SAP130: variants seen among roughly 807,000 people sequenced by gnomAD.
The protein encoded by SAP130 is histone deacetylase complex subunit SAP130.
SAP130 carries 16 observed loss-of-function variants against 103.2 expected under a neutral mutation model. That is an observed-to-expected ratio of 0.16 (90% CI 0.10 to 0.24). The LOEUF (loss-of-function observed/expected upper bound fraction) is 0.24. SAP130 is among the 10% of genes least tolerant of loss of function. The pLI, the probability that SAP130 is intolerant of heterozygous loss-of-function variation, is 1.00. For synonymous variants in SAP130, 477 were observed against 497.0 expected, an observed-to-expected ratio of 0.96 and a Z score of 0.53; for missense variants, 990 against 1,359.7, an observed-to-expected ratio of 0.73 and a Z score of 4.28.
Position 128,008,227 on chromosome 2 carries a change from C to CCTAA in SAP130, c.869+2038_869+2041dup, listed in dbSNP as rs1684110861. Among the ~76,000 whole-genome samples the CCTAA allele has an allele frequency of 2.0e-5, 3 of 152,200 alleles. No homozygotes were observed. The South Asian group carries it at 6.2e-4, about 31-fold the overall frequency. ...CCAATGGCAAGAATCAACTGCCCTCCCTAACCTCCCTGTAATGTGACTTGG... is the reference window on the plus strand; with the variant it reads ...CCAATGGCAAGAATCAACTGCCCTCCCTAACTAACCTCCCTGTAATGTGACTTGG... On this transcript the variant is annotated intron_variant, in intron 7 of 20. Transcript: ENST00000643581.
rs191506346 is a variant in SAP130 at position 127,973,838 on chromosome 2, C to G, written c.2063+4147G>C. ...TCTGTAATCCCAGCACTTTGTGAGGCTGAGGTGGGAATACTGCTTGAGCCC... is the reference window on the plus strand; with the variant it reads ...TCTGTAATCCCAGCACTTTGTGAGGGTGAGGTGGGAATACTGCTTGAGCCC... On this transcript the variant is annotated intron_variant, in intron 15 of 20. Transcript: ENST00000643581. Among the ~76,000 whole-genome samples the G allele has an allele frequency of 4.5e-3, 692 of 152,154 alleles. 6 individuals are homozygous for G. Among genetic ancestry groups the G allele is most frequent in the African/African-American group, 0.016 (650 of 41,516 alleles).
At position 127,957,798 on chromosome 2, in the gene SAP130, T is replaced by C. The variant is rs142572411; in HGVS notation, c.2064-2454A>G. 3.4e-4 allele frequency among the ~76,000 whole-genome samples: 51 copies of C among 152,116 alleles called. 1 individual carries two copies. In the South Asian group the frequency reaches 6.4e-3, roughly 19 times the overall value. On this transcript the variant is annotated intron_variant, in intron 15 of 20. Coordinates refer to ENST00000643581, the MANE Select transcript of SAP130 (RefSeq NM_001330301.2). ...TATTGAGAAGGCTTTAAGATAAAGT[T>C]GAAGATATCTAGAAAGAAAAAGAGA...
intron 16 of SAP130, among the ~76,000 whole-genome samples, chr2:127,952,248 C>T (rs943549573): frequency 4.6e-5 from 7 of 151,908 alleles, no homozygotes; most frequent in African/African-American, 1.2e-4. Flanking sequence ...ATCAGGAGTT[C>T]GAGACCAGCC....
At chr2:127,975,565 C>T (rs970542532) in intron 15 of SAP130, among the ~76,000 whole-genome samples, 8 of 151,392 alleles carry the variant, frequency 5.3e-5, no homozygotes, top group Non-Finnish European at 1.0e-4. Context: ...ATAGTAATAA[C>T]CAAAAAAAAT....
At position 128,013,157 on chromosome 2, in the gene SAP130, GAAA is replaced by G; in HGVS notation, c.620-6_620-4del. Reference sequence around the variant, plus strand: ...CATCACAGCAGCAGCAGCTGCACCTGAAAAAAAAAAAGTGTTTATTATATTTAT... The same window carrying G: ...CATCACAGCAGCAGCAGCTGCACCTGAAAAAAAAGTGTTTATTATATTTAT... On this transcript the variant is annotated splice_region_variant and splice_polypyrimidine_tract_variant and intron_variant, in intron 5 of 20. Transcript: ENST00000643581. 1 of 1,271,144 alleles carries G rather than the reference GAAA, an allele frequency of 7.9e-7. No individual in the cohort carries two copies. The highest frequency in any genetic ancestry group is 1.1e-6 in the Non-Finnish European group (1 of 937,120). 78.7% of individuals were successfully genotyped at this position (1,271,144 alleles called of 1,614,324 possible).
rs375901094 is a variant in SAP130, at chr2:128,000,170, A to C, written c.1018-24T>G. The C allele has an allele frequency of 1.4e-5, 23 of 1,612,600 alleles. No individual in the cohort carries two copies. In the African/African-American group the frequency reaches 2.4e-4, roughly 17 times the overall value. ...TTCTGTGAGGGAAACCCCACAACAC[A>C]GTTATAAGAACATTATCCACTGCGT... On this transcript the variant is annotated intron_variant, in intron 8 of 20. Transcript: ENST00000643581.
chr2:127,946,368 C>A (rs569059598), intron 18 of SAP130, among the ~76,000 whole-genome samples: 41 of 152,112 alleles, frequency 2.7e-4, no homozygotes, highest in African/African-American at 9.9e-4. Context: ...GCTGGGGGAG[C>A]CTTTCCAAGG....
chr2:128,007,662 T>C lies in SAP130; in HGVS notation c.869+2607A>G, dbSNP rs994633466. Among the ~76,000 whole-genome samples the C allele has an allele frequency of 7.0e-4, 107 of 152,324 alleles. 2 individuals are homozygous for C. The highest frequency in any genetic ancestry group is 2.5e-3 in the African/African-American group (105 of 41,580). ...CTTTTATTGAAGAGAGAACAAAGGA[T>C]CAGGGGAGTTGAAAACCTGCTTAAT... On this transcript the variant is annotated intron_variant, in intron 7 of 20. Transcript: ENST00000643581.
chr2:128,007,694 C>G (rs1349200287), intron 7 of SAP130, among the ~76,000 whole-genome samples: 1 of 152,168 alleles, frequency 6.6e-6, no homozygotes, highest in African/African-American at 2.4e-5. Context: ...TAATGTCACA[C>G]AAGTAGATAA....
chr2:127,955,105 G>A lies in SAP130; in HGVS notation c.2303C>T (p.Ala768Val). Residue 768 changes from alanine (A) to valine (V), a missense_variant, in exon 16 of 21, where the codon GCT becomes GTT. This residue lies in a region of SAP130 where 349 missense variants were observed against 384.1 expected (regional missense o/e 0.91). Transcript: ENST00000643581. The surrounding 1 kb of genome is among the most constrained non-coding windows in gnomAD (Gnocchi z 4.9). ...PITPPITTIA[A>V]APPPSVTVGG... ...CACAGTGACTGATGGAGGTGGTGCA[G>A]CTGCAATGGTGGTGATGGGTGGAGT... The A allele has an allele frequency of 6.2e-7, 1 of 1,614,210 alleles. No individual in the cohort carries two copies. Among genetic ancestry groups the A allele is most frequent in the Non-Finnish European group, 8.5e-7 (1 of 1,180,030 alleles).
chr2:128,021,176 T>C (rs958678004), intron 2 of SAP130, among the ~76,000 whole-genome samples: 8 of 151,918 alleles, frequency 5.3e-5, no homozygotes, highest in South Asian at 2.1e-4. Context: ...TGGCCGGGCG[T>C]GGTGGCTCAA....
intron 7 of SAP130, among the ~76,000 whole-genome samples, chr2:128,002,260 T>TAA (rs1683618527): frequency 6.6e-6 from 1 of 152,304 alleles, no homozygotes; most frequent in African/African-American, 2.4e-5. Flanking sequence ...CATAAGATTT[T>TAA]AAAACAGGTG....
At chr2:128,027,542 A>C (rs903395141) in intron 1 of SAP130, among the ~76,000 whole-genome samples, 33 of 151,376 alleles carry the variant, frequency 2.2e-4, no homozygotes, top group Non-Finnish European at 2.1e-4. Context: ...CGCCTCAGCC[A>C]GGGTCTGAAA....
chr2:127,970,955 CTCTTT>C (rs1449995785), intron 15 of SAP130, among the ~76,000 whole-genome samples: 1 of 151,700 alleles, frequency 6.6e-6, no homozygotes, highest in East Asian at 1.9e-4. Context: ...TTATCTTTCT[CTCTTT>C]TTTTTTTTTA....
At chr2:127,982,128 T>A (rs1313088696) in intron 14 of SAP130, among the ~76,000 whole-genome samples, 1 of 151,036 alleles carries the variant, frequency 6.6e-6, no homozygotes, top group African/African-American at 2.5e-5. Flanking sequence ...ACAGAAGAAC[T>A]GGACACAGCA....
chr2:127,963,592 A>G (rs1388627072), intron 15 of SAP130, among the ~76,000 whole-genome samples: 7 of 152,140 alleles, frequency 4.6e-5, no homozygotes, highest in African/African-American at 1.7e-4. Flanking sequence ...ATAATGTGTT[A>G]TGGTTTGGCT....
chr2:127,971,858 T>C lies in SAP130; in HGVS notation c.2063+6127A>G, dbSNP rs566568582. Among the ~76,000 whole-genome samples, 7 of 152,370 alleles carry C rather than the reference T, an allele frequency of 4.6e-5. No homozygotes were observed. In the East Asian group the frequency reaches 1.3e-3, roughly 29 times the overall value. On this transcript the variant is annotated intron_variant, in intron 15 of 20. Transcript: ENST00000643581. ...TCCCCTGTCAACATCTTTTGGTCAGTGTCTTAAGGAACAGATTAATATACT... is the reference window on the plus strand; with the variant it reads ...TCCCCTGTCAACATCTTTTGGTCAGCGTCTTAAGGAACAGATTAATATACT...
chr2:127,968,045 G>C (rs184716790), intron 15 of SAP130, among the ~76,000 whole-genome samples: 2 of 151,492 alleles, frequency 1.3e-5, no homozygotes, highest in East Asian at 3.9e-4. Context: ...TAACGGTTTT[G>C]AACATATGCA....
At chr2:127,971,598 C>G (rs1405140384) in intron 15 of SAP130, among the ~76,000 whole-genome samples, 2 of 152,078 alleles carry the variant, frequency 1.3e-5, no homozygotes, top group Non-Finnish European at 2.9e-5. Flanking sequence ...CCCACTTTCT[C>G]ATTTCTATCT....
Sources: allele counts gnomAD v4.1 joint callset (sites outside exome capture counted in the v4.1 genomes callset), GRCh38; gene constraint gnomAD v4.1.1; regional missense constraint gnomAD v4.1.1; non-coding constraint Gnocchi (gnomAD v3.1); transcripts MANE v1.5; gene names NCBI Gene and HGNC (gene_info 2026-07-23, HGNC 2026-07-21).